The following DAPK2 variants were observed in gnomAD, a reference collection of about 807,000 sequenced individuals.
DAPK2 encodes the protein death-associated protein kinase 2.
In DAPK2, 35 loss-of-function variants were observed where a neutral mutation model predicts 44.1. That is an observed-to-expected ratio of 0.79 (90% CI 0.61 to 1.05). DAPK2 has a LOEUF of 1.05. DAPK2 is among the 50% of genes least tolerant of loss of function. DAPK2 has a pLI of 0.00. For missense variants in DAPK2, 453 were observed against 483.2 expected (o/e 0.94, Z 0.59); for synonymous variants, 174 against 182.6 (o/e 0.95, Z 0.38).
chr15:63,971,149 T>C (rs1595826241), intron 3 of DAPK2, among the ~76,000 whole-genome samples: 1 of 152,180 alleles, frequency 6.6e-6, no homozygotes, highest in Non-Finnish European at 1.5e-5. Context: ...TTAGAAAGTG[T>C]TCCCCCCTGC....
intron 1 of DAPK2, among the ~76,000 whole-genome samples, chr15:64,007,941 T>C (rs548610800): frequency 5.9e-5 from 9 of 152,324 alleles, no homozygotes; most frequent in Admixed American, 2.0e-4. Flanking sequence ...TGTTGTATGA[T>C]TGCACTTTTA....
Position 64,035,897 on chromosome 15 carries a change from C to T in DAPK2, c.92+4273G>A, listed in dbSNP as rs1008995937. The stretch of plus-strand genomic sequence containing the variant: ...GTGCAGGATGCTCCAGCCAGGGTAT[C>T]CTGTTTCCATCCAAAGCTTTTCCTA... On this transcript the variant is annotated intron_variant, in intron 1 of 10. Coordinates refer to ENST00000261891, the Ensembl canonical transcript of DAPK2. 2.6e-5 allele frequency among the ~76,000 whole-genome samples: 4 copies of T among 152,266 alleles called. No individual in the cohort carries two copies. In the East Asian group the frequency reaches 7.7e-4, roughly 29 times the overall value.
At chr15:64,027,487 G>C (rs1325124770) in intron 1 of DAPK2, among the ~76,000 whole-genome samples, 1 of 152,134 alleles carries the variant, frequency 6.6e-6, no homozygotes, top group East Asian at 1.9e-4. Context: ...CTGAACCCAA[G>C]GAGGTCAGAA....
chr15:63,957,887 G>A (rs2077771650), intron 3 of DAPK2, among the ~76,000 whole-genome samples: 2 of 152,148 alleles, frequency 1.3e-5, no homozygotes, highest in African/African-American at 2.4e-5. Flanking sequence ...TGGTATGGCT[G>A]GGTCAAATGG....
chr15:63,982,712 T>C (rs1195697619), intron 2 of DAPK2, among the ~76,000 whole-genome samples: 4 of 152,238 alleles, frequency 2.6e-5, no homozygotes, highest in African/African-American at 7.2e-5. Context: ...CTCACACTCA[T>C]AGCTGTCTGC....
chr15:63,987,035 T>G (rs1270738883), intron 1 of DAPK2, among the ~76,000 whole-genome samples: 1 of 152,226 alleles, frequency 6.6e-6, no homozygotes, highest in South Asian at 2.1e-4. Context: ...CCCATCAGCA[T>G]GATTTTTGCT....
chr15:63,973,822 T>C (rs1204005748), intron 2 of DAPK2, among the ~76,000 whole-genome samples: 1 of 152,116 alleles, frequency 6.6e-6, no homozygotes. Flanking sequence ...TGCCAGAAAC[T>C]AAAGACCTAG....
At chr15:63,967,036 C>T (rs138577131) in intron 3 of DAPK2, among the ~76,000 whole-genome samples, 2 of 151,920 alleles carry the variant, frequency 1.3e-5, no homozygotes, top group East Asian at 3.9e-4. Context: ...AAAAATTAGC[C>T]GGGCATAGTG....
At chr15:63,941,151 C>T (rs941644871) in intron 3 of DAPK2, among the ~76,000 whole-genome samples, 1 of 152,218 alleles carries the variant, frequency 6.6e-6, no homozygotes, top group Non-Finnish European at 1.5e-5. Flanking sequence ...ACACCATCTG[C>T]TCTGCCTGGA....
chr15:63,930,342 C>T lies in DAPK2; in HGVS notation c.632+65G>A, dbSNP rs930094926. The T allele has an allele frequency of 2.4e-5, 35 of 1,463,806 alleles. No homozygotes were observed. The South Asian group carries it at 3.7e-4, about 16-fold the overall frequency. 90.7% of individuals were successfully genotyped at this position (1,463,806 alleles called of 1,614,324 possible). A position where few individuals can be genotyped will look rare whatever the true frequency, so the allele number is the denominator to read the frequency against. ...ATGGTTAAGCGGATGTCACCTGGAG[C>T]AGGATCTGAGGCCTTCCGCCCTTGG... On this transcript the variant is annotated intron_variant, in intron 5 of 10. Coordinates refer to ENST00000261891, the Ensembl canonical transcript of DAPK2.
intron 6 of DAPK2, among the ~76,000 whole-genome samples, chr15:63,928,806 G>A (rs1457199415): frequency 1.3e-5 from 2 of 152,102 alleles, no homozygotes; most frequent in East Asian, 3.9e-4. Flanking sequence ...GAAAGGAGGA[G>A]AGAGACAGTG....
intron 1 of DAPK2, among the ~76,000 whole-genome samples, chr15:64,032,872 G>A (rs2080056287): frequency 6.6e-6 from 1 of 151,928 alleles, no homozygotes; most frequent in Non-Finnish European, 1.5e-5. Flanking sequence ...GATCACCTGA[G>A]GTCAGGAGTT....
chr15:63,985,508 A>G (rs1297657363), intron 1 of DAPK2, among the ~76,000 whole-genome samples: 2 of 152,116 alleles, frequency 1.3e-5, no homozygotes, highest in Non-Finnish European at 2.9e-5. Context: ...CTCCTCTCCG[A>G]CACCTCAAGC....
chr15:64,021,734 G>A (rs917743242), intron 1 of DAPK2, among the ~76,000 whole-genome samples: 3 of 152,222 alleles, frequency 2.0e-5, no homozygotes, highest in Admixed American at 6.5e-5. Context: ...GGGATAGATG[G>A]GGCTGGAAGG....
intron 1 of DAPK2, among the ~76,000 whole-genome samples, chr15:64,014,203 G>A (rs938695057): frequency 6.6e-6 from 1 of 152,198 alleles, no homozygotes; most frequent in South Asian, 2.1e-4. Context: ...TACTACCTGC[G>A]GAGGCAGCAC....
At chr15:63,925,598 T>C (rs1421804003) in intron 7 of DAPK2, among the ~76,000 whole-genome samples, 2 of 151,690 alleles carry the variant, frequency 1.3e-5, no homozygotes, top group Non-Finnish European at 2.9e-5. Context: ...ACTTAAACTT[T>C]TCAAATCTGA....
At chr15:63,965,612 G>A (rs908136430) in intron 3 of DAPK2, among the ~76,000 whole-genome samples, 2 of 152,180 alleles carry the variant, frequency 1.3e-5, no homozygotes, top group African/African-American at 4.8e-5. Context: ...TGGAAACCTT[G>A]GGAATCTACC....
chr15:63,915,704 A>G (rs926709192), intron 8 of DAPK2, among the ~76,000 whole-genome samples: 5 of 152,094 alleles, frequency 3.3e-5, no homozygotes, highest in Non-Finnish European at 5.9e-5. Context: ...AGGTGATGCA[A>G]TTCTTTTGAG....
Position 63,988,452 on chromosome 15 carries a change from C to T in DAPK2, c.93-4698G>A, listed in dbSNP as rs530170851. ...AGGGCATGAACCAAATGTCACACCA[C>T]GGGATCAATTTTGTATAGCAATGTG... On this transcript the variant is annotated intron_variant, in intron 1 of 10. Transcript: ENST00000261891. 4.6e-5 allele frequency among the ~76,000 whole-genome samples: 7 copies of T among 151,912 alleles called. No individual in the cohort carries two copies. The South Asian group carries it at 1.0e-3, about 23-fold the overall frequency.
Sources: allele counts gnomAD v4.1 joint callset (sites outside exome capture counted in the v4.1 genomes callset), GRCh38; gene constraint gnomAD v4.1.1; transcripts MANE v1.5; gene names NCBI Gene and HGNC (gene_info 2026-07-23, HGNC 2026-07-21).